The following DLGAP1 variants were observed in gnomAD, a reference collection of about 807,000 sequenced individuals.
DLGAP1 encodes DLG associated protein 1.
A neutral mutation model predicts 90.8 loss-of-function variants in DLGAP1; 11 were observed. The ratio of observed to expected loss-of-function variants is 0.12; its 90% CI spans 0.08 to 0.20. The LOEUF (loss-of-function observed/expected upper bound fraction) is 0.20, where lower values mean the gene tolerates loss of function less well. Among genes scored for constraint, DLGAP1 ranks in the 10% least tolerant of loss-of-function variants. The pLI is 1.00. For synonymous variants in DLGAP1, 558 were observed against 540.7 expected, an observed-to-expected ratio of 1.03 and a Z score of -0.44; for missense variants, 1,050 against 1,333.8, an observed-to-expected ratio of 0.79 and a Z score of 3.31.
At chr18:4,346,725 G>A (rs187794991) in intron 1 of DLGAP1, among the ~76,000 whole-genome samples, 3 of 152,178 alleles carry the variant, frequency 2.0e-5, no homozygotes, top group East Asian at 1.9e-4. Flanking sequence ...CAAAACCATC[G>A]TTTGTGATAC....
At position 3,534,559 on chromosome 18, in the gene DLGAP1, T is replaced by C; in HGVS notation, c.2114A>G (p.Asp705Gly). The C allele has an allele frequency of 2.5e-6, 4 of 1,613,214 alleles. No individual in the cohort carries two copies. Among genetic ancestry groups the C allele is most frequent in the Non-Finnish European group, 3.4e-6 (4 of 1,179,474 alleles). The part of the protein sequence containing the change: ...SVTTAVQADL[D>G]FHDNLENSLE... ...AGAATTTTCCAGATTATCATGGAAG[T>C]CCAGGTCGGCCTGTACTGCTGTCGT... The change falls in exon 10 of 13, where the codon GAC becomes GGC. Residue 705 changes from aspartate (D) to glycine (G), a missense_variant. By Grantham distance (94) the Asp-to-Gly change is moderately conservative. This residue lies in a region of DLGAP1 where 565 missense variants were observed against 879.7 expected (regional missense o/e 0.64). Coordinates refer to ENST00000315677, the MANE Select transcript of DLGAP1 (RefSeq NM_004746.4).
At chr18:3,674,293 T>TAA (rs763030375) in intron 7 of DLGAP1, among the ~76,000 whole-genome samples, 13,706 of 76,512 alleles carry the variant, frequency 0.18, 1,281 homozygotes, top group African/African-American at 0.32. Context: ...TCTATAATAT[T>TAA]AAAATATATA....
chr18:3,829,923 AGGGAGACTTGATG>A (rs1027400139), intron 4 of DLGAP1, among the ~76,000 whole-genome samples: 2 of 152,154 alleles, frequency 1.3e-5, no homozygotes, highest in Non-Finnish European at 2.9e-5. Context: ...AGGCAGTGGG[AGGGAGACTTGATG>A]GGCAGACAGG....
chr18:4,404,074 GAC>G (rs1371630597), intron 1 of DLGAP1, among the ~76,000 whole-genome samples: 1 of 152,174 alleles, frequency 6.6e-6, no homozygotes, highest in Non-Finnish European at 1.5e-5. Context: ...CCACATGCCA[GAC>G]ACCAAAGTCA....
At chr18:4,071,827 A>G (rs374419400) in intron 2 of DLGAP1, among the ~76,000 whole-genome samples, 1 of 152,168 alleles carries the variant, frequency 6.6e-6, no homozygotes, top group African/African-American at 2.4e-5. Context: ...TCAAATACCC[A>G]TTCATCATTA....
At chr18:4,382,702 G>A (rs766192348) in intron 1 of DLGAP1, among the ~76,000 whole-genome samples, 10 of 152,030 alleles carry the variant, frequency 6.6e-5, no homozygotes, top group Non-Finnish European at 1.0e-4. Context: ...TGCTAATTCA[G>A]TTTTTGGAAA....
chr18:4,148,253 T>C (rs773160827), intron 2 of DLGAP1, among the ~76,000 whole-genome samples: 2 of 152,062 alleles, frequency 1.3e-5, no homozygotes, highest in Admixed American at 1.3e-4. Flanking sequence ...TTGAAAAAAA[T>C]CACAGCCCTT....
At chr18:3,541,806 C>T (rs186517609) in intron 9 of DLGAP1, among the ~76,000 whole-genome samples, 83 of 151,888 alleles carry the variant, frequency 5.5e-4, no homozygotes, top group Admixed American at 2.0e-3. Flanking sequence ...CACCCAGTTA[C>T]GAAGGCTGTG....
rs77286490 is a variant in DLGAP1 at position 3,958,623 on chromosome 18, A to C, written c.-73+46493T>G. Among the ~76,000 whole-genome samples the C allele has an allele frequency of 0.011, 27 of 2,458 alleles. No homozygotes were observed. The Admixed American group carries it at 0.21, about 20-fold the overall frequency. 1.6% of individuals were successfully genotyped at this position (2,458 alleles called of 152,430 possible). A position where few individuals can be genotyped will look rare whatever the true frequency, so the allele number is the denominator to read the frequency against. On this transcript the variant is annotated intron_variant, in intron 3 of 12. Transcript: ENST00000315677. ...CCTTAGAGAGTTTAATCCTCTTTAC[A>C]AAAAAAAAAAAAAAAAGGCTTTGTG...
intron 2 of DLGAP1, among the ~76,000 whole-genome samples, chr18:4,085,675 A>G (rs1320167813): frequency 6.6e-6 from 1 of 152,188 alleles, no homozygotes; most frequent in African/African-American, 2.4e-5. Context: ...TCTTGTTGAC[A>G]ACTCACCCTG....
intron 1 of DLGAP1, among the ~76,000 whole-genome samples, chr18:4,336,380 C>T (rs1049604465): frequency 2.6e-5 from 4 of 152,146 alleles, no homozygotes; most frequent in Non-Finnish European, 2.9e-5. Flanking sequence ...CTGTGCTGAC[C>T]ACATACAACT....
At chr18:4,219,455 T>C (rs117367585) in intron 1 of DLGAP1, among the ~76,000 whole-genome samples, 2,638 of 152,204 alleles carry the variant, frequency 0.017, 34 homozygotes, top group Non-Finnish European at 0.024. Flanking sequence ...CTGTTTCCTT[T>C]GCTCTGCAGA....
chr18:3,931,990 T>C (rs918133845), intron 3 of DLGAP1, among the ~76,000 whole-genome samples: 11 of 152,154 alleles, frequency 7.2e-5, no homozygotes, highest in African/African-American at 2.4e-4. Context: ...TTTCTCACTC[T>C]CTTGTTCCTG....
chr18:4,101,977 T>C (rs528450410), intron 2 of DLGAP1, among the ~76,000 whole-genome samples: 1 of 151,968 alleles, frequency 6.6e-6, no homozygotes, highest in Non-Finnish European at 1.5e-5. Flanking sequence ...TAAAGCAGTC[T>C]TTTGTGTATT....
chr18:3,896,589 A>G (rs1343196595), intron 3 of DLGAP1: 1 of 152,244 alleles, frequency 6.6e-6, no homozygotes, highest in East Asian at 1.9e-4. Flanking sequence ...ATAACTCAGC[A>G]GCTTTGTACA....
intron 2 of DLGAP1, among the ~76,000 whole-genome samples, chr18:4,137,668 T>G (rs59094784): frequency 0.041 from 6,295 of 152,236 alleles, 440 homozygotes; most frequent in African/African-American, 0.14. Flanking sequence ...GTGAAGAATA[T>G]CTTTGGTATT....
chr18:4,116,780 G>T (rs1231911005), intron 2 of DLGAP1, among the ~76,000 whole-genome samples: 1 of 152,064 alleles, frequency 6.6e-6, no homozygotes, highest in African/African-American at 2.4e-5. Context: ...CTTTAGACAT[G>T]ATCTCATTCA....
chr18:4,021,929 A>T (rs1172218316), intron 2 of DLGAP1, among the ~76,000 whole-genome samples: 1 of 152,184 alleles, frequency 6.6e-6, no homozygotes, highest in East Asian at 1.9e-4. Flanking sequence ...CAACACAAGA[A>T]CAGACTAACA....
At chr18:4,079,287 TCACACACACA>T (rs6146196) in intron 2 of DLGAP1, among the ~76,000 whole-genome samples, 3,503 of 142,550 alleles carry the variant, frequency 0.025, 93 homozygotes, top group African/African-American at 0.059. Flanking sequence ...AAAGAAAATG[TCACACACACA>T]CACACACACA....
Sources: gnomAD v4.1 joint callset for allele counts (sites outside exome capture counted in the v4.1 genomes callset) on GRCh38, gnomAD v4.1.1 for gene constraint, gnomAD v4.1.1 regional missense constraint, MANE v1.5 for transcripts, NCBI Gene and HGNC (gene_info 2026-07-23, HGNC 2026-07-21) for gene names.